Variants in LYST observed in about 807,000 individuals in gnomAD.
LYST encodes lysosomal-trafficking regulator.
In LYST, 192 loss-of-function variants were observed where a neutral mutation model predicts 413.6. The ratio of observed to expected loss-of-function variants is 0.46; its 90% confidence interval spans 0.41 to 0.52. LYST has a LOEUF of 0.52. LYST is among the 20% of genes least tolerant of loss of function. LYST has a pLI of 0.00. For synonymous variants in LYST, 1,525 were observed against 1,567.3 expected, an observed-to-expected ratio of 0.97 and a Z score of 0.64; for missense variants, 3,815 against 4,499.9, an observed-to-expected ratio of 0.85 and a Z score of 4.35.
intron 12 of LYST, among the ~76,000 whole-genome samples, chr1:235,791,214 G>A (rs961435515): frequency 9.2e-5 from 14 of 152,030 alleles, no homozygotes; most frequent in Admixed American, 5.9e-4. Context: ...CCTGGGAGGC[G>A]GAGGTTGCAG....
chr1:235,770,909 T>C (rs985876104), intron 19 of LYST, among the ~76,000 whole-genome samples: 1 of 152,134 alleles, frequency 6.6e-6, no homozygotes, highest in Non-Finnish European at 1.5e-5. Flanking sequence ...TTGTCCATAA[T>C]ACTAGAGAAA....
At chr1:235,814,738 A>G (rs933695451) in intron 3 of LYST, among the ~76,000 whole-genome samples, 2 of 150,180 alleles carry the variant, frequency 1.3e-5, no homozygotes, top group South Asian at 2.1e-4. Context: ...CATTCAGACT[A>G]CTCCTTCTGG....
intron 46 of LYST, among the ~76,000 whole-genome samples, chr1:235,693,807 T>C (rs2103076533): frequency 6.6e-6 from 1 of 152,296 alleles, no homozygotes; most frequent in East Asian, 1.9e-4. Flanking sequence ...TGAGACACCT[T>C]TTCTTTTAAA....
chr1:235,882,078 TCACACACACA>T (rs71174466), intron 1 of LYST, among the ~76,000 whole-genome samples: 13 of 145,730 alleles, frequency 8.9e-5, no homozygotes, highest in Non-Finnish European at 4.5e-5. Flanking sequence ...ACTCTTTCTT[TCACACACACA>T]CACACACACA....
rs1392528794 is a variant in LYST at position 235,730,896 on chromosome 1, A to G, written c.8995T>C (p.Ser2999Pro). 1 of 1,613,846 alleles carries G rather than the reference A, an allele frequency of 6.2e-7. No homozygotes were observed. The highest frequency in any genetic ancestry group is 1.1e-5 in the South Asian group (1 of 91,078). ...TCTTTGACAGTAGAAGAGAAAGAAG[A>G]ATGAGTTTTGTCTTCAAACAGGTAA... is the stretch of plus-strand genomic sequence containing the variant. The part of the protein sequence containing the change: ...LSYLFEDKTH[S>P]SFSSTVKDKA... The change falls in exon 36 of 53, where the codon TCT becomes CCT. Residue 2999 changes from serine (S) to proline (P), a missense_variant. Physicochemically the swap from Ser to Pro is moderately conservative, Grantham distance 74 (BLOSUM62 -1). Transcript: ENST00000389793.
chr1:235,855,758 T>A (rs1243625330), intron 1 of LYST, among the ~76,000 whole-genome samples: 1 of 152,144 alleles, frequency 6.6e-6, no homozygotes, highest in Admixed American at 6.5e-5. Context: ...TTAGACATAC[T>A]GAACACAGAT....
At chr1:235,869,368 A>C (rs1205220760), upstream of LYST, among the ~76,000 whole-genome samples, 1 of 152,170 alleles carries the variant, frequency 6.6e-6, no homozygotes, top group Non-Finnish European at 1.5e-5. Context: ...GCTAATCGAG[A>C]GGCTGAGGCA....
intron 1 of LYST, among the ~76,000 whole-genome samples, chr1:235,874,506 A>C (rs1029861387): frequency 6.6e-6 from 1 of 152,210 alleles, no homozygotes; most frequent in Non-Finnish European, 1.5e-5. Context: ...TAAACTTGAG[A>C]CTTAAACACT....
chr1:235,710,873 G>A (rs970242727), intron 43 of LYST, among the ~76,000 whole-genome samples: 4 of 152,160 alleles, frequency 2.6e-5, no homozygotes, highest in African/African-American at 9.7e-5. Flanking sequence ...CGTGCTGTGG[G>A]GAAGCCCAAA....
intron 3 of LYST, chr1:235,828,124 C>A: frequency 1.0e-6 from 1 of 958,150 alleles, no homozygotes; most frequent in Non-Finnish European, 1.2e-6. Flanking sequence ...GCAAAATATT[C>A]CCAAAAGAAA....
chr1:235,765,847 T>G (rs1428900332), intron 21 of LYST, among the ~76,000 whole-genome samples: 3 of 152,188 alleles, frequency 2.0e-5, no homozygotes, highest in African/African-American at 7.2e-5. Flanking sequence ...ACACATTTTT[T>G]TTTTTTACTG....
Position 235,773,895 on chromosome 1 carries a change from C to T in LYST, c.5731G>A (p.Val1911Ile). ...DVDSNAIIQD[V>I]KLLEELLLDW... Reference sequence around the variant, plus strand: ...AGCAATAGTTCCTCTAACAGCTTAACATCTTGGATTATAGCATTAGAGTCT... The same window carrying T: ...AGCAATAGTTCCTCTAACAGCTTAATATCTTGGATTATAGCATTAGAGTCT... Residue 1911 changes from valine (V) to isoleucine (I), a missense_variant, in exon 19 of 53, where the codon GTT becomes ATT. Transcript: ENST00000389793. 1 of 1,610,454 alleles carries T rather than the reference C, an allele frequency of 6.2e-7. No homozygotes were observed. The highest frequency in any genetic ancestry group is 8.5e-7 in the Non-Finnish European group (1 of 1,176,810).
At position 235,747,970 on chromosome 1, in the gene LYST, T is replaced by C. The variant is rs907895945; in HGVS notation, c.7781-1443A>G. 7.2e-5 allele frequency among the ~76,000 whole-genome samples: 11 copies of C among 152,274 alleles called. 1 individual carries two copies. The South Asian group carries it at 2.1e-3, about 29-fold the overall frequency. On this transcript the variant is annotated intron_variant, in intron 28 of 52. Transcript: ENST00000389793. ...ATCATTTTCCCCAGTACAAGTTCCA[T>C]GAAGACTGATAAAATAGCAACTGGT...
rs928161414 is a variant in LYST, at chr1:235,751,299, G to A, written c.7691C>T (p.Ala2564Val). ...TGTGAGGTTTTCAGAGTCATGATTT[G>A]CGGTGGTCCTTATAAATTCCATAGC... The part of the protein sequence containing the change: ...QAAMEFIRTT[A>V]NHDSENLTDS... The change falls in exon 28 of 53, where the codon GCA becomes GTA. Residue 2564 changes from alanine to valine, a missense_variant. Ala to Val is a moderately conservative substitution (Grantham distance 64). Coordinates refer to ENST00000389793, the MANE Select transcript of LYST (RefSeq NM_000081.4). The A allele has an allele frequency of 6.2e-7, 1 of 1,613,610 alleles. No homozygotes were observed.
chr1:235,795,643 C>G (rs1347668251), intron 10 of LYST, among the ~76,000 whole-genome samples: 1 of 152,146 alleles, frequency 6.6e-6, no homozygotes, highest in Non-Finnish European at 1.5e-5. Context: ...CATCCAATGG[C>G]ACATTCACAC....
At chr1:235,798,627 A>G (rs1021831491) in intron 10 of LYST, among the ~76,000 whole-genome samples, 7 of 148,700 alleles carry the variant, frequency 4.7e-5, no homozygotes, top group African/African-American at 1.7e-4. Context: ...CACTGAAAAA[A>G]GGAATCTATG....
chr1:235,734,529 G>C lies in LYST; in HGVS notation c.8489C>G (p.Pro2830Arg). Reference protein sequence around the residue: ...ALKLCGHKCIPPSASTKADLI... With the variant: ...ALKLCGHKCIRPSASTKADLI... ...GTCTGCTTTTGTTGATGCACTGGGA[G>C]GGATGCACTTGTGACCACATAACTT... is the stretch of plus-strand genomic sequence containing the variant. The change falls in exon 32 of 53, where the codon CCT becomes CGT. Residue 2830 changes from proline to arginine, a missense_variant. This residue lies in a region of LYST where 771 missense variants were observed against 837.1 expected (regional missense o/e 0.92). Coordinates refer to ENST00000389793, the MANE Select transcript of LYST (RefSeq NM_000081.4). 6.2e-7 allele frequency: 1 copy of C among 1,613,656 alleles called. No individual in the cohort carries two copies. Among genetic ancestry groups the C allele is most frequent in the Non-Finnish European group, 8.5e-7 (1 of 1,179,658 alleles).
intron 39 of LYST, among the ~76,000 whole-genome samples, chr1:235,722,532 C>G (rs555479456): frequency 6.6e-6 from 1 of 152,290 alleles, no homozygotes; most frequent in East Asian, 1.9e-4. Flanking sequence ...GTTGCCCAGG[C>G]TGGAGTGTAA....
At chr1:235,794,676 A>G (rs1415519163) in intron 10 of LYST, among the ~76,000 whole-genome samples, 1 of 152,250 alleles carries the variant, frequency 6.6e-6, no homozygotes, top group Non-Finnish European at 1.5e-5. Context: ...TTTAAGCAAC[A>G]TATTTTGTAG....
Sources: allele counts gnomAD v4.1 joint callset (sites outside exome capture counted in the v4.1 genomes callset), GRCh38; gene constraint gnomAD v4.1.1; regional missense constraint gnomAD v4.1.1; transcripts MANE v1.5; gene names NCBI Gene and HGNC (gene_info 2026-07-23, HGNC 2026-07-21).